Variants in MATN1 observed in about 807,000 individuals in gnomAD.
MATN1 encodes matrilin-1.
MATN1 carries 34 observed loss-of-function variants against 41.3 expected under a neutral mutation model. The observed-to-expected ratio is 0.82, with a 90% confidence interval of 0.63 to 1.10. The LOEUF (loss-of-function observed/expected upper bound fraction) is 1.10, where lower values mean the gene tolerates loss of function less well. MATN1 is among the 50% of genes least tolerant of loss of function. The pLI, the probability that MATN1 is intolerant of heterozygous loss-of-function variation, is 0.00. For synonymous variants in MATN1, 264 were observed against 278.7 expected (o/e 0.95, Z 0.53); for missense variants, 602 against 662.4 (o/e 0.91, Z 1.00).
intron 7 of MATN1, 194 bp from the exon 8 acceptor site, chr1:30,713,825 C>T (rs917212769): frequency 6.4e-6 from 4 of 624,888 alleles, no homozygotes; most frequent in Non-Finnish European, 1.2e-5. Flanking sequence ...AGTGCCCAGC[C>T]CTGCTCAGTT....
At chr1:30,718,397 C>A in intron 3 of MATN1, 1 of 255,294 alleles carries the variant, frequency 3.9e-6, no homozygotes, top group South Asian at 6.9e-5. Context: ...CTGTCTCCGT[C>A]TTCGCCCCTG....
At chr1:30,722,725 C>T (rs143426993) in intron 1 of MATN1, among the ~76,000 whole-genome samples, 1,898 of 152,302 alleles carry the variant, frequency 0.012, 26 homozygotes, top group Non-Finnish European at 0.017. Flanking sequence ...AAAGGGGAAA[C>T]GTGCAGGGCC....
chr1:30,717,948 C>T (rs1286574407), intron 3 of MATN1, among the ~76,000 whole-genome samples: 2 of 152,162 alleles, frequency 1.3e-5, no homozygotes, highest in East Asian at 3.9e-4. Flanking sequence ...CCACCGCGCC[C>T]GGCCATAAAA....
intron 3 of MATN1, among the ~76,000 whole-genome samples, chr1:30,718,049 C>T (rs1639642729): frequency 6.6e-6 from 1 of 152,212 alleles, no homozygotes; most frequent in Admixed American, 6.5e-5. Context: ...ACGGCCCCAC[C>T]CCTGGTGCTG....
At chr1:30,716,579 T>G (rs1260073370) in intron 4 of MATN1, among the ~76,000 whole-genome samples, 3 of 152,250 alleles carry the variant, frequency 2.0e-5, no homozygotes, top group African/African-American at 7.2e-5. Flanking sequence ...TGAGTCCTTC[T>G]ACCACACTAA....
In MATN1 at chr1:30,721,829, C is replaced by T. The variant is rs1053643287; in HGVS notation, c.95-78G>A. 5 of 1,226,004 alleles carry T rather than the reference C, an allele frequency of 4.1e-6. No individual in the cohort carries two copies. The Admixed American group carries it at 9.4e-5, about 23-fold the overall frequency. The allele number at this position is 1,226,004 out of a possible 1,614,324, so 75.9% of individuals were successfully genotyped here. On this transcript the variant is annotated intron_variant, in intron 1 of 7. Coordinates refer to ENST00000373765, the MANE Select transcript of MATN1 (RefSeq NM_002379.3). Reference sequence around the variant, plus strand: ...CTGGGCCTGAACACACAGAGTGCGGCTTCTTAGATCCAGGTGCGAGGCCTC... The same window carrying T: ...CTGGGCCTGAACACACAGAGTGCGGTTTCTTAGATCCAGGTGCGAGGCCTC...
intron 6 of MATN1, 75 bp from the exon 7 acceptor site, chr1:30,714,402 G>A (rs1033381375): frequency 8.2e-7 from 1 of 1,224,772 alleles, no homozygotes; most frequent in Non-Finnish European, 1.2e-6. Context: ...GACAGTCACT[G>A]CCCAGGGCCA....
In MATN1 at chr1:30,715,697, C is replaced by T. The variant is rs536815442; in HGVS notation, c.1207+212G>A. On this transcript the variant is annotated intron_variant, in intron 5 of 7. Transcript: ENST00000373765. The stretch of plus-strand genomic sequence containing the variant: ...CTGGAAAAGTTCCAAGCCTCACTTA[C>T]AAAAGGACCATCAAAACAAGCCACT... Among the ~76,000 whole-genome samples the T allele has an allele frequency of 2.0e-5, 3 of 152,302 alleles. No individual in the cohort carries two copies. In the South Asian group the frequency reaches 6.2e-4, roughly 32 times the overall value.
At chr1:30,715,057 G>C (rs868225354) in intron 6 of MATN1, 100 bp downstream of exon 6, 1 of 1,432,042 alleles carries the variant, frequency 7.0e-7, no homozygotes, top group Non-Finnish European at 9.6e-7. Flanking sequence ...GTGCCACCTC[G>C]GCCCCTGCTT....
At position 30,713,590 on chromosome 1, in the gene MATN1, C is replaced by T. The variant is rs1639581319; in HGVS notation, c.1483G>A (p.Val495Ile). 2 of 1,553,762 alleles carry T rather than the reference C, an allele frequency of 1.3e-6. No individual in the cohort carries two copies. The highest frequency in any genetic ancestry group is 1.7e-6 in the Non-Finnish European group (2 of 1,147,912). The part of the protein sequence containing the change: ...SKRLAILENT[V>I]V Reference sequence around the variant, plus strand: ...AGTGGTGACAGGCAGCCTTAGACAACTGTGTTCTCCAGGATGGCCAGCCGC... The same window carrying T: ...AGTGGTGACAGGCAGCCTTAGACAATTGTGTTCTCCAGGATGGCCAGCCGC... The change falls in exon 8 of 8, where the codon GTT (valine) becomes ATT (isoleucine). Residue 495 changes from valine to isoleucine, a missense_variant. By Grantham distance (29) the Val-to-Ile change is conservative. Transcript: ENST00000373765.
At chr1:30,719,350 G>T (rs74063380) in intron 2 of MATN1, 12 of 214,822 alleles carry the variant, frequency 5.6e-5, no homozygotes, top group African/African-American at 2.1e-4. Flanking sequence ...GGGGCTGGGT[G>T]GGGGGATCCG....
intron 2 of MATN1, 49 bp downstream of exon 2, chr1:30,721,356 A>G: frequency 4.6e-6 from 7 of 1,530,004 alleles, no homozygotes; most frequent in Non-Finnish European, 6.3e-6. Context: ...CATAACTCCG[A>G]GCGGGAGCCT....
intron 3 of MATN1, among the ~76,000 whole-genome samples, chr1:30,717,653 TG>T (rs67341351): frequency 0.28 from 35,308 of 125,500 alleles, 6,732 homozygotes; most frequent in Non-Finnish European, 0.32. Flanking sequence ...TTTTTTTTTT[TG>T]TTTTGTTTTT....
Position 30,721,569 on chromosome 1 carries a change from ACTC to A in MATN1, c.274_276del (p.Glu92del). Reference sequence around the variant, plus strand: ...TTGGAGACATGAGCCCGCAGCGAGAACTCCTGCTTCACGGTGCTGGCATAGTTG... The same window carrying A: ...TTGGAGACATGAGCCCGCAGCGAGAACTGCTTCACGGTGCTGGCATAGTTG... On this transcript the variant is annotated inframe_deletion, in exon 2 of 8. Transcript: ENST00000373765. The A allele has an allele frequency of 6.2e-7, 1 of 1,612,922 alleles. No homozygotes were observed. The highest frequency in any genetic ancestry group is 8.5e-7 in the Non-Finnish European group (1 of 1,179,902).
In MATN1 at chr1:30,714,237, GA is replaced by G; in HGVS notation, c.1441+9del. On this transcript the variant is annotated intron_variant, in intron 7 of 7. Transcript: ENST00000373765. ...CCTCCCCAGCCCCAGCCCCCTCTGG[GA>G]AGGGATATGTTTCCTGGTCAGGGCC... is the stretch of plus-strand genomic sequence containing the variant. 6.3e-7 allele frequency: 1 copy of G among 1,595,328 alleles called. No homozygotes were observed. The highest frequency in any genetic ancestry group is 8.5e-7 in the Non-Finnish European group (1 of 1,170,432).
rs565674084 is a variant in MATN1 at position 30,716,806 on chromosome 1, G to A, written c.774C>T (p.Asp258=). Residue 258 remains aspartate (D), a synonymous_variant, in exon 4 of 8, where the codon GAC becomes GAT. Transcript: ENST00000373765. ...ACHEGFTLNS[D]GKTCNVCSGG... is the part of the protein sequence containing the mutation. ...CCCACTGACCATTGCAGGTCTTGCCGTCGCTGTTCAGAGTGAAGCCCTCGT... is the reference window on the plus strand; with the variant it reads ...CCCACTGACCATTGCAGGTCTTGCCATCGCTGTTCAGAGTGAAGCCCTCGT... 8.4e-5 allele frequency: 135 copies of A among 1,613,802 alleles called. No homozygotes were observed. Among genetic ancestry groups the A allele is most frequent in the Admixed American group, 2.2e-4 (13 of 60,022 alleles).
chr1:30,723,376 T>TGTGCTGAGGGTCAGG, intron 1 of MATN1, 82 bp downstream of exon 1: 2 of 1,085,654 alleles, frequency 1.8e-6, no homozygotes, highest in Non-Finnish European at 2.5e-6. Flanking sequence ...GTGTGCTCCC[T>TGTGCTGAGGGTCAGG]GCCATATCGG....
chr1:30,723,444 G>A lies in MATN1; in HGVS notation c.94+14C>T, dbSNP rs372936710. 45 of 1,489,986 alleles carry A rather than the reference G, an allele frequency of 3.0e-5. No individual in the cohort carries two copies. Among genetic ancestry groups the A allele is most frequent in the Middle Eastern group, 1.9e-4 (1 of 5,270 alleles). 92.3% of individuals were successfully genotyped at this position (1,489,986 alleles called of 1,614,324 possible). ...ACTAGCTCAGTAGCCCCCATCTCAC[G>A]CAAGCCCCCTCACCTCTGGACTGGG... On this transcript the variant is annotated intron_variant, in intron 1 of 7. Coordinates refer to ENST00000373765, the MANE Select transcript of MATN1 (RefSeq NM_002379.3).
chr1:30,713,519 A>G lies in MATN1; in HGVS notation c.*63T>C. The G allele has an allele frequency of 2.6e-6, 4 of 1,528,926 alleles. No individual in the cohort carries two copies. In the Admixed American group the frequency reaches 5.9e-5, roughly 23 times the overall value. 94.7% of individuals were successfully genotyped at this position (1,528,926 alleles called of 1,614,324 possible). A position where few individuals can be genotyped will look rare whatever the true frequency, so the allele number is the denominator to read the frequency against. On this transcript the variant is annotated 3_prime_UTR_variant, in exon 8 of 8. Transcript: ENST00000373765. ...CCCCGGGCTGGCTTCCCTCACTAAA[A>G]TGGTAAAGCTACGGCGGACACGTGC...
Sources: allele counts gnomAD v4.1 joint callset (sites outside exome capture counted in the v4.1 genomes callset), GRCh38; gene constraint gnomAD v4.1.1; transcripts MANE v1.5; gene names NCBI Gene and HGNC (gene_info 2026-07-23, HGNC 2026-07-21).